LEF1: variants seen among roughly 807,000 people sequenced by gnomAD.
LEF1 encodes lymphoid enhancer-binding factor 1.
In LEF1, 14 loss-of-function variants were observed where a neutral mutation model predicts 51.2. The observed-to-expected ratio is 0.27, with a 90% CI of 0.18 to 0.43. The LOEUF is 0.43. LEF1 is among the 20% of genes least tolerant of loss of function. The pLI is 1.00. For missense variants in LEF1, 386 were observed against 512.0 expected (o/e 0.75, Z 2.37); for synonymous variants, 185 against 183.2 (o/e 1.01, Z -0.08).
chr4:108,109,003 T>A (rs1578353682), intron 3 of LEF1, among the ~76,000 whole-genome samples: 1 of 152,316 alleles, frequency 6.6e-6, no homozygotes, highest in East Asian at 1.9e-4. Context: ...CAGCTTAGCA[T>A]GCAAACTTTG....
rs765611447 is a variant in LEF1 at position 108,081,642 on chromosome 4, C to T, written c.666G>A (p.Thr222=). 19 of 1,613,944 alleles carry T rather than the reference C, an allele frequency of 1.2e-5. No homozygotes were observed. Among genetic ancestry groups the T allele is most frequent in the South Asian group, 2.2e-5 (2 of 91,078 alleles). Residue 222 remains threonine, a synonymous_variant, in exon 6 of 12, where the codon ACG becomes ACA. Transcript: ENST00000265165. ...ATGGGTAGGGTTGCCTGAATCCACC[C>T]GTGATGGGATATACAGGCTGACCTT... is the stretch of plus-strand genomic sequence containing the variant. ...GWQGQPVYPI[T]GGFRQPYPSS...
intron 3 of LEF1, among the ~76,000 whole-genome samples, chr4:108,138,330 G>T (rs947626049): frequency 2.6e-5 from 4 of 152,148 alleles, no homozygotes; most frequent in African/African-American, 9.7e-5. Context: ...CTCTGTATTT[G>T]CATTGCCTTT....
intron 3 of LEF1, among the ~76,000 whole-genome samples, chr4:108,101,938 T>C (rs1740853337): frequency 6.6e-6 from 1 of 151,950 alleles, no homozygotes; most frequent in African/African-American, 2.4e-5. Flanking sequence ...CATGCGCCTG[T>C]AGTCCCAGCT....
chr4:108,154,110 TTTTTA>T (rs571667399), intron 3 of LEF1, among the ~76,000 whole-genome samples: 1 of 152,190 alleles, frequency 6.6e-6, no homozygotes, highest in Non-Finnish European at 1.5e-5. Context: ...TTTAAATTTC[TTTTTA>T]TTTTAATAAA....
At chr4:108,158,553 C>T (rs1223760670) in intron 3 of LEF1, among the ~76,000 whole-genome samples, 1 of 152,090 alleles carries the variant, frequency 6.6e-6, no homozygotes. Context: ...CATGTTTTCT[C>T]TTTAAATTCC....
intron 3 of LEF1, among the ~76,000 whole-genome samples, chr4:108,144,062 G>T (rs1743843673): frequency 6.6e-6 from 1 of 152,186 alleles, no homozygotes; most frequent in African/African-American, 2.4e-5. Flanking sequence ...GAGGTGAGGA[G>T]TGGGGGAAGC....
At chr4:108,131,614 C>T (rs988260966) in intron 3 of LEF1, among the ~76,000 whole-genome samples, 1 of 152,088 alleles carries the variant, frequency 6.6e-6, no homozygotes, top group African/African-American at 2.4e-5. Context: ...GAATACCCAC[C>T]AAATGCCTGT....
intron 3 of LEF1, among the ~76,000 whole-genome samples, chr4:108,156,692 T>C (rs1450602768): frequency 2.0e-5 from 3 of 152,190 alleles, no homozygotes; most frequent in African/African-American, 7.2e-5. Context: ...TGATTAACTA[T>C]CATCAACATT....
chr4:108,092,940 A>ACC (rs1415782422), intron 3 of LEF1, among the ~76,000 whole-genome samples: 1 of 49,504 alleles, frequency 2.0e-5, no homozygotes, highest in African/African-American at 6.9e-5. Flanking sequence ...AAAAAAAAAA[A>ACC]AAAAAAAAAG....
chr4:108,162,722 G>C (rs947750385), intron 3 of LEF1, among the ~76,000 whole-genome samples: 1 of 152,148 alleles, frequency 6.6e-6, no homozygotes, highest in South Asian at 2.1e-4. Context: ...CTGGAGAGAA[G>C]GTAAATATAT....
intron 3 of LEF1, among the ~76,000 whole-genome samples, chr4:108,141,563 C>G (rs924167329): frequency 6.6e-6 from 1 of 152,144 alleles, no homozygotes; most frequent in Admixed American, 6.5e-5. Flanking sequence ...TGATTTCTGC[C>G]TGAATAGAGA....
At chr4:108,102,083 A>C (rs546530123) in intron 3 of LEF1, among the ~76,000 whole-genome samples, 225 of 152,100 alleles carry the variant, frequency 1.5e-3, no homozygotes, top group Non-Finnish European at 2.3e-3. Context: ...AAAAAAAGAA[A>C]GGACGGACTT....
Position 108,138,470 on chromosome 4 carries a change from C to T in LEF1, c.414+25098G>A, listed in dbSNP as rs182903020. ...GGCAATCTGACTCATGAGCTTTAAA[C>T]ACTGCATTATATGTACAGGTGTGTA... On this transcript the variant is annotated intron_variant, in intron 3 of 11. Coordinates refer to ENST00000265165, the MANE Select transcript of LEF1 (RefSeq NM_016269.5). Among the ~76,000 whole-genome samples the T allele has an allele frequency of 6.6e-5, 10 of 151,558 alleles. 1 individual carries two copies. The highest frequency in any genetic ancestry group is 6.6e-4 in the Admixed American group (10 of 15,224).
At chr4:108,138,506 T>TACATACACAC (rs1553958371) in intron 3 of LEF1, among the ~76,000 whole-genome samples, 2 of 150,276 alleles carry the variant, frequency 1.3e-5, no homozygotes, top group Non-Finnish European at 3.0e-5. Context: ...TGTGTGTGTA[T>TACATACACAC]ACACACACAC....
chr4:108,127,393 C>CTA (rs1237820698), intron 3 of LEF1, among the ~76,000 whole-genome samples: 1 of 152,112 alleles, frequency 6.6e-6, no homozygotes, highest in Admixed American at 6.5e-5. Flanking sequence ...CTGAATGCTG[C>CTA]TATATATATC....
chr4:108,156,006 C>T (rs567100875), intron 3 of LEF1, among the ~76,000 whole-genome samples: 1 of 152,146 alleles, frequency 6.6e-6, no homozygotes, highest in South Asian at 2.1e-4. Context: ...GAAAATACCT[C>T]GTGATACTGA....
intron 4 of LEF1, among the ~76,000 whole-genome samples, chr4:108,085,696 C>T (rs911052214): frequency 1.2e-4 from 6 of 49,918 alleles, no homozygotes; most frequent in Non-Finnish European, 3.5e-4. Flanking sequence ...CTATGCTAGG[C>T]GTTTGACTCT....
intron 7 of LEF1, 27 bp from the exon 8 acceptor site, chr4:108,078,409 G>A (rs746758280): frequency 1.7e-5 from 28 of 1,614,034 alleles, no homozygotes; most frequent in Middle Eastern, 3.3e-4. Context: ...GTGGTGGTTA[G>A]GGGAAGGGGT....
chr4:108,091,839 C>A (rs1244754266), intron 3 of LEF1, among the ~76,000 whole-genome samples: 6 of 152,102 alleles, frequency 3.9e-5, no homozygotes, highest in Admixed American at 3.3e-4. Context: ...AAACACAAAT[C>A]TCAACGCCCA....
Sources: allele counts gnomAD v4.1 joint callset (sites outside exome capture counted in the v4.1 genomes callset), GRCh38; gene constraint gnomAD v4.1.1; transcripts MANE v1.5; gene names NCBI Gene and HGNC (gene_info 2026-07-23, HGNC 2026-07-21).